The following SNTG1 variants were observed in gnomAD, a reference collection of about 807,000 sequenced individuals.
SNTG1 encodes the protein gamma-1-syntrophin.
A neutral mutation model predicts 74.7 loss-of-function variants in SNTG1; 39 were observed. The observed-to-expected ratio is 0.52, with a 90% CI of 0.40 to 0.68. The LOEUF is 0.68. Ranked by LOEUF, SNTG1 falls within the 30% of genes least tolerant of loss-of-function variation. The pLI, the probability that SNTG1 is intolerant of heterozygous loss-of-function variation, is 0.00. For missense variants in SNTG1, 685 were observed against 609.5 expected (o/e 1.12, Z -1.30); for synonymous variants, 254 against 217.1 (o/e 1.17, Z -1.49).
chr8:50,079,332 T>C (rs1006835120), intron 1 of SNTG1, among the ~76,000 whole-genome samples: 1 of 152,190 alleles, frequency 6.6e-6, no homozygotes, highest in African/African-American at 2.4e-5. Context: ...TTTTTTCAAA[T>C]GTTTGTTGGC....
At chr8:50,736,791 A>G (rs138701919) in intron 17 of SNTG1, among the ~76,000 whole-genome samples, 129 of 152,302 alleles carry the variant, frequency 8.5e-4, no homozygotes, top group African/African-American at 2.9e-3. Context: ...GTACAACTAC[A>G]TGGAAACTGA....
At chr8:50,269,727 A>G (rs1318816929) in intron 2 of SNTG1, among the ~76,000 whole-genome samples, 1 of 152,166 alleles carries the variant, frequency 6.6e-6, no homozygotes, top group African/African-American at 2.4e-5. Context: ...ATAATTTGAA[A>G]TAGAAAATAA....
At chr8:50,761,588 C>G (rs1003466679) in intron 18 of SNTG1, among the ~76,000 whole-genome samples, 1 of 145,352 alleles carries the variant, frequency 6.9e-6, no homozygotes, top group African/African-American at 2.7e-5. Flanking sequence ...CTAAGAAGAA[C>G]ATAGTGCCTG....
At chr8:50,506,702 T>G (rs1020686779) in intron 9 of SNTG1, among the ~76,000 whole-genome samples, 4 of 152,060 alleles carry the variant, frequency 2.6e-5, no homozygotes, top group African/African-American at 4.8e-5. Flanking sequence ...TCTAACATTT[T>G]TGTGTGTGTG....
intron 9 of SNTG1, among the ~76,000 whole-genome samples, chr8:50,516,793 T>C (rs2094137308): frequency 6.6e-6 from 1 of 152,184 alleles, no homozygotes; most frequent in Admixed American, 6.5e-5. Flanking sequence ...TATGGGACTA[T>C]GTGAAAAGAC....
intron 1 of SNTG1, among the ~76,000 whole-genome samples, chr8:49,951,515 A>C (rs192738536): frequency 6.6e-6 from 1 of 151,604 alleles, no homozygotes; most frequent in Non-Finnish European, 1.5e-5. Flanking sequence ...AGAACAAAAA[A>C]CCAAACACCG....
At chr8:49,970,391 GT>G (rs1429749162) in intron 1 of SNTG1, among the ~76,000 whole-genome samples, 1 of 152,156 alleles carries the variant, frequency 6.6e-6, no homozygotes, top group Non-Finnish European at 1.5e-5. Flanking sequence ...ATGCATGTGT[GT>G]TTAGCCGCAC....
chr8:50,461,273 A>G (rs1272027407), intron 8 of SNTG1, among the ~76,000 whole-genome samples: 1 of 151,808 alleles, frequency 6.6e-6, no homozygotes, highest in Non-Finnish European at 1.5e-5. Flanking sequence ...TTATCACATC[A>G]TATTAAGAGA....
chr8:50,548,514 G>A (rs1390818800), intron 11 of SNTG1, among the ~76,000 whole-genome samples: 1 of 152,160 alleles, frequency 6.6e-6, no homozygotes, highest in African/African-American at 2.4e-5. Context: ...AGTGGAGATG[G>A]ACTTGTTTGT....
At chr8:50,210,460 G>T (rs565744225) in intron 2 of SNTG1, among the ~76,000 whole-genome samples, 1 of 152,156 alleles carries the variant, frequency 6.6e-6, no homozygotes, top group East Asian at 1.9e-4. Context: ...CGGAAAAAAT[G>T]TTAAGGGCAG....
intron 8 of SNTG1, among the ~76,000 whole-genome samples, chr8:50,496,233 G>A (rs189002632): frequency 2.0e-5 from 3 of 152,014 alleles, no homozygotes; most frequent in Non-Finnish European, 4.4e-5. Flanking sequence ...TGTTACTGGC[G>A]GGCAGAAATA....
At chr8:50,019,736 A>G (rs1816651186) in intron 1 of SNTG1, among the ~76,000 whole-genome samples, 1 of 152,098 alleles carries the variant, frequency 6.6e-6, no homozygotes, top group South Asian at 2.1e-4. Flanking sequence ...AGTAGAGAGT[A>G]ATATGATAAT....
chr8:50,405,472 C>A (rs1055879112), intron 4 of SNTG1, among the ~76,000 whole-genome samples: 5 of 151,896 alleles, frequency 3.3e-5, no homozygotes, highest in African/African-American at 1.2e-4. Flanking sequence ...CTATTCATAT[C>A]CTTTGTCTAT....
At chr8:50,187,454 G>C (rs551717119) in intron 2 of SNTG1, among the ~76,000 whole-genome samples, 7 of 152,212 alleles carry the variant, frequency 4.6e-5, no homozygotes, top group Admixed American at 4.6e-4. Context: ...TGGGTAAACT[G>C]ACTAGCCATA....
At chr8:50,461,359 C>CATT (rs1191602092) in intron 8 of SNTG1, among the ~76,000 whole-genome samples, 1 of 152,042 alleles carries the variant, frequency 6.6e-6, no homozygotes, top group Non-Finnish European at 1.5e-5. Flanking sequence ...CAGAATTCTT[C>CATT]ATTGTAAATG....
chr8:50,747,277 T>G (rs6988562), intron 17 of SNTG1, among the ~76,000 whole-genome samples: 65,650 of 151,704 alleles, frequency 0.43, 16,415 homozygotes, highest in African/African-American at 0.7. Context: ...GGGTTATGCT[T>G]CAGTAATTCC....
chr8:50,423,163 T>C (rs1363168197), intron 4 of SNTG1, among the ~76,000 whole-genome samples: 1 of 152,220 alleles, frequency 6.6e-6, no homozygotes, highest in Non-Finnish European at 1.5e-5. Context: ...GTGTGTTCTC[T>C]GACTATAGTG....
intron 9 of SNTG1, among the ~76,000 whole-genome samples, chr8:50,525,612 T>G (rs973045829): frequency 2.6e-5 from 4 of 152,006 alleles, no homozygotes; most frequent in Non-Finnish European, 5.9e-5. Flanking sequence ...ATTCACTTTT[T>G]CTTCTGCTTG....
At chr8:50,688,331 C>A (rs1170551022) in intron 15 of SNTG1, among the ~76,000 whole-genome samples, 6 of 152,156 alleles carry the variant, frequency 3.9e-5, no homozygotes, top group Non-Finnish European at 8.8e-5. Flanking sequence ...AGTCCTCGCC[C>A]ATGCCTATGT....
Sources: allele counts gnomAD v4.1 joint callset (sites outside exome capture counted in the v4.1 genomes callset), GRCh38; gene constraint gnomAD v4.1.1; transcripts MANE v1.5; gene names NCBI Gene and HGNC (gene_info 2026-07-23, HGNC 2026-07-21).